PGD: variants seen among roughly 807,000 people sequenced by gnomAD.
The protein encoded by PGD is phosphogluconate dehydrogenase.
In PGD, 21 loss-of-function variants were observed where a neutral mutation model predicts 60.4. The observed-to-expected ratio is 0.35, with a 90% CI of 0.25 to 0.50. The LOEUF (loss-of-function observed/expected upper bound fraction) is 0.50. PGD is among the 20% of genes least tolerant of loss of function. PGD has a pLI of 0.98. For synonymous variants in PGD, 230 were observed against 235.9 expected, an observed-to-expected ratio of 0.97 and a Z score of 0.23; for missense variants, 477 against 613.1, an observed-to-expected ratio of 0.78 and a Z score of 2.34.
intron 10 of PGD, 141 bp from the exon 11 acceptor site, chr1:10,418,685 G>C (rs999585179): frequency 5.3e-6 from 3 of 561,964 alleles, no homozygotes; most frequent in Non-Finnish European, 9.6e-6. Flanking sequence ...TGAGGCAGGA[G>C]AATCGCTTGA....
intron 8 of PGD, 36 bp from the exon 9 acceptor site, chr1:10,416,951 A>G: frequency 6.2e-7 from 1 of 1,607,598 alleles, no homozygotes; most frequent in African/African-American, 1.3e-5. Flanking sequence ...GAGGCCTGAC[A>G]GTAATCTGTT....
chr1:10,403,267 T>G lies in PGD; in HGVS notation c.330+131T>G, dbSNP rs147791648. 61 of 671,374 alleles carry G rather than the reference T, an allele frequency of 9.1e-5. No individual in the cohort carries two copies. In the African/African-American group the frequency reaches 9.4e-4, roughly 10 times the overall value. The allele number at this position is 671,374 out of a possible 1,614,324, so 41.6% of individuals were successfully genotyped here. ...TTTTTTGAGATTACTACTGATACAA[T>G]AGTTCTCAGCCTTTTTTTCTGTTAA... On this transcript the variant is annotated intron_variant, in intron 4 of 12. Transcript: ENST00000270776.
chr1:10,412,749 G>A, intron 7 of PGD: 1 of 254,998 alleles, frequency 3.9e-6, no homozygotes, highest in Non-Finnish European at 7.6e-6. Flanking sequence ...AGTAAACTGG[G>A]ACAAGATCCG....
At chr1:10,400,852 G>A (rs1431356398) in intron 3 of PGD, among the ~76,000 whole-genome samples, 1 of 152,126 alleles carries the variant, frequency 6.6e-6, no homozygotes, top group African/African-American at 2.4e-5. Context: ...CACTTTTTGG[G>A]AGGCTGGTTC....
chr1:10,402,831 A>T (rs907085517), intron 3 of PGD, among the ~76,000 whole-genome samples: 1 of 152,098 alleles, frequency 6.6e-6, no homozygotes, highest in African/African-American at 2.4e-5. Context: ...CCTACAAAAA[A>T]AATTTTAAAA....
chr1:10,399,638 C>G lies in PGD; in HGVS notation c.18C>G (p.Ile6Met). The G allele has an allele frequency of 6.2e-7, 1 of 1,613,848 alleles. No individual in the cohort carries two copies. The highest frequency in any genetic ancestry group is 8.5e-7 in the Non-Finnish European group (1 of 1,179,920). The change falls in exon 2 of 13, where the codon ATC (isoleucine) becomes ATG (methionine). Residue 6 changes from isoleucine (I) to methionine (M), a missense_variant. Coordinates refer to ENST00000270776, the MANE Select transcript of PGD (RefSeq NM_002631.4). The part of the protein sequence containing the change: MAQAD[I>M]ALIGLAVMGQ... ...GTTTCTGCCTCTCTAGAGCTGACAT[C>G]GCGCTGATCGGATTGGCCGTCATGG...
intron 8 of PGD, among the ~76,000 whole-genome samples, chr1:10,414,713 C>T (rs898049672): frequency 6.6e-6 from 1 of 151,802 alleles, no homozygotes; most frequent in Non-Finnish European, 1.5e-5. Context: ...AGACTTCTGG[C>T]AGGAATGAAA....
intron 9 of PGD, 67 bp from the exon 10 acceptor site, chr1:10,417,309 G>C (rs925859182): frequency 3.3e-6 from 5 of 1,522,398 alleles, no homozygotes; most frequent in Non-Finnish European, 4.5e-6. Flanking sequence ...ATGAGAATAA[G>C]ACTGGTAGAC....
rs931182431 is a variant in PGD, at chr1:10,403,192, T to A, written c.330+56T>A. ...GTTCCGAGAACATTCTAGAAAAAAG[T>A]GTCAGCATCGCATATGTGACAGTAG... On this transcript the variant is annotated intron_variant, in intron 4 of 12. Transcript: ENST00000270776. The A allele has an allele frequency of 2.4e-6, 3 of 1,247,648 alleles. No homozygotes were observed. In the African/African-American group the frequency reaches 4.4e-5, roughly 18 times the overall value. 77.3% of individuals were successfully genotyped at this position (1,247,648 alleles called of 1,614,324 possible).
chr1:10,416,643 C>T (rs945918702), intron 8 of PGD, among the ~76,000 whole-genome samples: 1 of 151,982 alleles, frequency 6.6e-6, no homozygotes, highest in East Asian at 1.9e-4. Context: ...AGGGGTGGGG[C>T]CATTTTATAG....
Position 10,402,039 on chromosome 1 carries a change from T to A in PGD, c.265-1032T>A, listed in dbSNP as rs188863557. Among the ~76,000 whole-genome samples, 1,124 of 151,938 alleles carry A rather than the reference T, an allele frequency of 7.4e-3. 7 individuals are homozygous for A. Among genetic ancestry groups the A allele is most frequent in the African/African-American group, 0.021 (875 of 41,442 alleles). On this transcript the variant is annotated intron_variant, in intron 3 of 12. Transcript: ENST00000270776. ...CAAATAAATAAATAAATTAATTAAT[T>A]AATTAATAAAGTAATAATAATAATA...
intron 5 of PGD, 50 bp downstream of exon 5, chr1:10,404,329 T>C (rs756580877): frequency 1.5e-5 from 18 of 1,189,180 alleles, no homozygotes; most frequent in Non-Finnish European, 2.0e-5. Flanking sequence ...AGCTGGACTT[T>C]GAGAACGAAT....
chr1:10,417,607 G>C, intron 10 of PGD, 98 bp downstream of exon 10: 1 of 1,251,390 alleles, frequency 8.0e-7, no homozygotes, highest in Non-Finnish European at 1.1e-6. Flanking sequence ...TCCAGGGATG[G>C]GCACTTAGCC....
intron 11 of PGD, 56 bp from the exon 12 acceptor site, chr1:10,419,361 C>T: frequency 1.3e-6 from 2 of 1,573,002 alleles, no homozygotes; most frequent in Non-Finnish European, 1.7e-6. Context: ...GAATGAAAAT[C>T]TATCCGCGTC....
chr1:10,420,133 A>G lies in PGD; in HGVS notation c.*384A>G. On this transcript the variant is annotated 3_prime_UTR_variant, in exon 13 of 13. Transcript: ENST00000270776. ...CTTTTTCCTTTACTCAATAAAAGCT[A>G]CATCAGACTGATGCTCTTTCTCCAG... 1 of 172,796 alleles carries G rather than the reference A, an allele frequency of 5.8e-6. No homozygotes were observed. The highest frequency in any genetic ancestry group is 1.3e-5 in the Non-Finnish European group (1 of 79,888). The allele number at this position is 172,796 out of a possible 1,614,324, so 10.7% of individuals were successfully genotyped here. A position where few individuals can be genotyped will look rare whatever the true frequency, so the allele number is the denominator to read the frequency against.
At chr1:10,399,400 G>T (rs939444503) in intron 1 of PGD, 2 of 477,176 alleles carry the variant, frequency 4.2e-6, no homozygotes, top group Non-Finnish European at 7.2e-6. Context: ...AGTCTGCAGG[G>T]ACACCTGCGG....
chr1:10,399,492 G>T, intron 1 of PGD, 137 bp from the exon 2 acceptor site: 1 of 794,644 alleles, frequency 1.3e-6, no homozygotes, highest in South Asian at 1.6e-5. Flanking sequence ...TGCGCGCCCG[G>T]CTTCTGGGGG....
chr1:10,405,978 C>T (rs1365150690), intron 5 of PGD, among the ~76,000 whole-genome samples: 3 of 152,116 alleles, frequency 2.0e-5, no homozygotes, highest in Non-Finnish European at 4.4e-5. Context: ...CTCAGCCTCC[C>T]AAGTGGCTGG....
At chr1:10,418,527 A>G (rs1639634831) in intron 10 of PGD, among the ~76,000 whole-genome samples, 1 of 152,120 alleles carries the variant, frequency 6.6e-6, no homozygotes. Context: ...CTGTAATCCC[A>G]GCGTTTTGGG....
Sources: allele counts gnomAD v4.1 joint callset (sites outside exome capture counted in the v4.1 genomes callset), GRCh38; gene constraint gnomAD v4.1.1; transcripts MANE v1.5; gene names NCBI Gene and HGNC (gene_info 2026-07-23, HGNC 2026-07-21).